The following NRXN3 variants were observed in gnomAD, a reference collection of about 807,000 sequenced individuals.
The protein encoded by NRXN3 is neurexin III.
NRXN3 carries 32 observed loss-of-function variants against 137.6 expected under a neutral mutation model. The ratio of observed to expected loss-of-function variants is 0.23; its 90% confidence interval spans 0.18 to 0.31. NRXN3 has a LOEUF of 0.31. Ranked by LOEUF, NRXN3 falls within the 10% of genes least tolerant of loss-of-function variation. NRXN3 has a pLI of 1.00. For missense variants in NRXN3, 1,574 were observed against 2,062.5 expected (o/e 0.76, Z 4.59); for synonymous variants, 798 against 784.5 (o/e 1.02, Z -0.29).
intron 4 of NRXN3, among the ~76,000 whole-genome samples, chr14:78,528,287 T>C (rs1043418885): frequency 6.6e-6 from 1 of 152,186 alleles, no homozygotes; most frequent in Non-Finnish European, 1.5e-5. Context: ...TGGTTTTGCC[T>C]TTCAAGATGT....
intron 4 of NRXN3, among the ~76,000 whole-genome samples, chr14:78,432,711 C>T (rs1598601665): frequency 6.6e-6 from 1 of 152,184 alleles, no homozygotes; most frequent in African/African-American, 2.4e-5. Flanking sequence ...ATACCTTCAA[C>T]TCCAAGTCTC....
At chr14:79,291,426 G>T (rs1011525346) in intron 15 of NRXN3, among the ~76,000 whole-genome samples, 2 of 151,460 alleles carry the variant, frequency 1.3e-5, no homozygotes, top group African/African-American at 4.8e-5. Flanking sequence ...TTGCGGTATT[G>T]TCCAGACCAG....
intron 10 of NRXN3, among the ~76,000 whole-genome samples, chr14:78,866,308 C>A (rs562332610): frequency 4.6e-4 from 70 of 152,210 alleles, no homozygotes; most frequent in African/African-American, 1.7e-3. Flanking sequence ...GTTGATTATA[C>A]TAAATTAGAA....
chr14:79,296,994 A>C (rs1417990225), intron 15 of NRXN3, among the ~76,000 whole-genome samples: 1 of 151,994 alleles, frequency 6.6e-6, no homozygotes, highest in Non-Finnish European at 1.5e-5. Context: ...CCTTCTCCCA[A>C]CCATTCATAT....
intron 15 of NRXN3, among the ~76,000 whole-genome samples, chr14:79,402,397 T>A (rs2095226298): frequency 6.6e-6 from 1 of 152,222 alleles, no homozygotes; most frequent in South Asian, 2.1e-4. Flanking sequence ...TCCTGAGAGG[T>A]AAGCAAAAAC....
chr14:78,444,110 A>C (rs8005882), intron 4 of NRXN3, among the ~76,000 whole-genome samples: 1 of 152,224 alleles, frequency 6.6e-6, no homozygotes, highest in African/African-American at 2.4e-5. Context: ...ATAGAAGTAA[A>C]GGCACTCATT....
chr14:78,248,606 G>A (rs1412899350), intron 2 of NRXN3, among the ~76,000 whole-genome samples: 1 of 151,830 alleles, frequency 6.6e-6, no homozygotes, highest in Non-Finnish European at 1.5e-5. Flanking sequence ...CCTGTTTTGG[G>A]CACTTGTGTA....
intron 15 of NRXN3, among the ~76,000 whole-genome samples, chr14:79,125,015 C>T (rs1294797266): frequency 6.6e-6 from 1 of 152,116 alleles, no homozygotes; most frequent in African/African-American, 2.4e-5. Context: ...TTGTTTTGTA[C>T]ATTTTGTACA....
At chr14:79,243,538 A>G (rs942368972) in intron 15 of NRXN3, among the ~76,000 whole-genome samples, 6 of 152,200 alleles carry the variant, frequency 3.9e-5, no homozygotes, top group South Asian at 2.1e-4. Flanking sequence ...CACATGTCTC[A>G]TGATGATGGG....
chr14:79,154,030 T>G (rs2060031114), intron 15 of NRXN3, among the ~76,000 whole-genome samples: 1 of 151,980 alleles, frequency 6.6e-6, no homozygotes, highest in South Asian at 2.1e-4. Flanking sequence ...AACTCGCCAA[T>G]AGCCTGCAAA....
intron 19 of NRXN3, among the ~76,000 whole-genome samples, chr14:79,772,076 G>A (rs2099080449): frequency 6.8e-6 from 1 of 147,886 alleles, no homozygotes. Context: ...CAAGGGATGT[G>A]AAGGACCTCT....
chr14:78,863,563 A>T (rs2099078688), intron 10 of NRXN3, among the ~76,000 whole-genome samples: 2 of 152,132 alleles, frequency 1.3e-5, no homozygotes, highest in Non-Finnish European at 2.9e-5. Flanking sequence ...ACCCATGTTT[A>T]GCCAAATTTC....
At chr14:79,253,992 G>A (rs1447432872) in intron 15 of NRXN3, among the ~76,000 whole-genome samples, 40 of 152,184 alleles carry the variant, frequency 2.6e-4, no homozygotes, top group Admixed American at 2.6e-3. Context: ...TATTTGATCA[G>A]CATGAGAGCA....
At chr14:78,534,088 G>A (rs961114200) in intron 4 of NRXN3, among the ~76,000 whole-genome samples, 10 of 152,152 alleles carry the variant, frequency 6.6e-5, no homozygotes, top group Admixed American at 5.9e-4. Flanking sequence ...AAGTTTTAAC[G>A]ATAGCTTTTG....
At chr14:79,424,417 A>G (rs922442575) in intron 15 of NRXN3, among the ~76,000 whole-genome samples, 1 of 152,234 alleles carries the variant, frequency 6.6e-6, no homozygotes, top group African/African-American at 2.4e-5. Flanking sequence ...AAGAATGTAC[A>G]TAGACAATAA....
chr14:79,523,932 T>A (rs1295557741), intron 16 of NRXN3, among the ~76,000 whole-genome samples: 1 of 152,200 alleles, frequency 6.6e-6, no homozygotes, highest in East Asian at 1.9e-4. Flanking sequence ...CAGGTTCACA[T>A]CCTTGTGCCC....
chr14:79,670,502 G>A (rs17109716), intron 17 of NRXN3, among the ~76,000 whole-genome samples: 7,729 of 151,990 alleles, frequency 0.051, 601 homozygotes, highest in African/African-American at 0.17. Flanking sequence ...GCATTTTCTC[G>A]CATTAAAACC....
rs373738725 is a variant in NRXN3, at chr14:79,436,670, T to C, written c.3263-30551T>C. On this transcript the variant is annotated intron_variant, in intron 15 of 20. Coordinates refer to ENST00000335750, the MANE Select transcript of NRXN3 (RefSeq NM_001330195.2). Reference sequence around the variant, plus strand: ...AGAAAAGACATACTGTTTGTTTTTATTGGGCAGGCAGCATCCTAGGGAAAA... The same window carrying C: ...AGAAAAGACATACTGTTTGTTTTTACTGGGCAGGCAGCATCCTAGGGAAAA... Among the ~76,000 whole-genome samples the C allele has an allele frequency of 2.0e-3, 306 of 152,332 alleles. 2 individuals carry two copies. Among genetic ancestry groups the C allele is most frequent in the African/African-American group, 7.1e-3 (295 of 41,570 alleles).
intron 10 of NRXN3, among the ~76,000 whole-genome samples, chr14:78,896,873 A>G (rs2099177490): frequency 6.6e-6 from 1 of 151,930 alleles, no homozygotes; most frequent in Non-Finnish European, 1.5e-5. Flanking sequence ...CATAGTTAGA[A>G]AAGTAAATTG....
Sources: gnomAD v4.1 joint callset for allele counts (sites outside exome capture counted in the v4.1 genomes callset) on GRCh38, gnomAD v4.1.1 for gene constraint, MANE v1.5 for transcripts, NCBI Gene and HGNC (gene_info 2026-07-23, HGNC 2026-07-21) for gene names.